The following TAFA2 variants were observed in gnomAD, a reference collection of about 807,000 sequenced individuals.
TAFA2 encodes the protein chemokine-like protein TAFA-2.
A neutral mutation model predicts 18.8 loss-of-function variants in TAFA2; 7 were observed. That is an observed-to-expected ratio of 0.37 (90% CI 0.21 to 0.70). TAFA2 has a LOEUF of 0.70. Ranked by LOEUF, TAFA2 falls within the 30% of genes least tolerant of loss-of-function variation. The pLI is 0.53. For missense variants in TAFA2, 122 were observed against 158.1 expected (o/e 0.77, Z 1.23); for synonymous variants, 60 against 54.2 (o/e 1.11, Z -0.47).
intron 1 of TAFA2, among the ~76,000 whole-genome samples, chr12:62,088,919 T>A (rs1400646886): frequency 6.6e-6 from 1 of 152,030 alleles, no homozygotes; most frequent in South Asian, 2.1e-4. Context: ...TCTGTGTGTG[T>A]GTGTGTGTGC....
At chr12:62,143,820 A>T (rs1203504329) in intron 1 of TAFA2, among the ~76,000 whole-genome samples, 1 of 152,006 alleles carries the variant, frequency 6.6e-6, no homozygotes. Context: ...AGGCAGGTGG[A>T]TGGCTTGAGC....
intron 1 of TAFA2, among the ~76,000 whole-genome samples, chr12:62,203,619 G>T (rs2062680699): frequency 6.6e-6 from 1 of 151,968 alleles, no homozygotes; most frequent in Admixed American, 6.5e-5. Context: ...AATCTTCATT[G>T]GTTTAAAGTC....
At chr12:62,164,494 A>G (rs2062426349) in intron 1 of TAFA2, among the ~76,000 whole-genome samples, 1 of 152,160 alleles carries the variant, frequency 6.6e-6, no homozygotes, top group African/African-American at 2.4e-5. Flanking sequence ...GGGCATTTCC[A>G]TGTTTTAAAT....
At chr12:61,919,044 G>A (rs1348742255) in intron 1 of TAFA2, among the ~76,000 whole-genome samples, 1 of 152,154 alleles carries the variant, frequency 6.6e-6, no homozygotes, top group Non-Finnish European at 1.5e-5. Flanking sequence ...AAAGCATATA[G>A]CATACTGCCA....
At chr12:61,972,024 T>C (rs994805149) in intron 1 of TAFA2, among the ~76,000 whole-genome samples, 2 of 151,678 alleles carry the variant, frequency 1.3e-5, no homozygotes, top group African/African-American at 4.8e-5. Flanking sequence ...TGGGAAGGAA[T>C]TGTCTCTTGA....
At chr12:61,877,056 T>C (rs920695179) in intron 1 of TAFA2, among the ~76,000 whole-genome samples, 4 of 152,218 alleles carry the variant, frequency 2.6e-5, no homozygotes, top group Non-Finnish European at 5.9e-5. Context: ...GATTTTAATA[T>C]AACAAAGTAC....
chr12:61,807,599 A>T (rs1871674829), intron 2 of TAFA2, among the ~76,000 whole-genome samples: 1 of 151,384 alleles, frequency 6.6e-6, no homozygotes, highest in Non-Finnish European at 1.5e-5. Context: ...TGCACTGTGC[A>T]CCTGGAAAAG....
intron 2 of TAFA2, among the ~76,000 whole-genome samples, chr12:61,850,826 TAG>T (rs1773974015): frequency 1.3e-5 from 2 of 152,116 alleles, no homozygotes; most frequent in Admixed American, 1.3e-4. Context: ...AATGAAAATA[TAG>T]AGAGATGACA....
intron 1 of TAFA2, among the ~76,000 whole-genome samples, chr12:62,172,472 T>C (rs977253110): frequency 2.6e-5 from 4 of 152,210 alleles, no homozygotes; most frequent in African/African-American, 7.2e-5. Context: ...TTGAATGATA[T>C]AGTCATCAAT....
At chr12:62,218,901 T>A (rs2062748672) in intron 1 of TAFA2, among the ~76,000 whole-genome samples, 1 of 152,158 alleles carries the variant, frequency 6.6e-6, no homozygotes, top group Admixed American at 6.5e-5. Flanking sequence ...CATAGGAGAT[T>A]CAATAATATC....
chr12:61,861,705 A>G (rs1874135853), intron 2 of TAFA2, among the ~76,000 whole-genome samples: 1 of 152,186 alleles, frequency 6.6e-6, no homozygotes, highest in Non-Finnish European at 1.5e-5. Context: ...ATTTATGGCT[A>G]TGTCTCCCAG....
chr12:61,742,809 A>C (rs944709591), intron 4 of TAFA2, among the ~76,000 whole-genome samples: 3 of 151,976 alleles, frequency 2.0e-5, no homozygotes, highest in African/African-American at 7.2e-5. Context: ...CCTTTCATTT[A>C]CTTTTCATGT....
intron 1 of TAFA2, among the ~76,000 whole-genome samples, chr12:62,038,169 G>A (rs1437017663): frequency 6.6e-6 from 1 of 152,112 alleles, no homozygotes; most frequent in African/African-American, 2.4e-5. Context: ...CAAGTCTTGA[G>A]ATTTGATGTA....
intron 1 of TAFA2, among the ~76,000 whole-genome samples, chr12:62,104,239 C>T (rs1052066372): frequency 2.7e-5 from 4 of 150,910 alleles, no homozygotes; most frequent in Non-Finnish European, 5.9e-5. Context: ...TTCACAATAG[C>T]TTTCACAGTT....
intron 1 of TAFA2, among the ~76,000 whole-genome samples, chr12:62,206,385 C>A (rs1281905893): frequency 6.6e-6 from 1 of 152,226 alleles, no homozygotes; most frequent in Non-Finnish European, 1.5e-5. Context: ...AACATGTCTT[C>A]ATATTCTTTT....
chr12:61,760,075 C>CTTTTTTTTTTT (rs35014156), intron 2 of TAFA2, among the ~76,000 whole-genome samples: 1 of 137,752 alleles, frequency 7.3e-6, no homozygotes, highest in Non-Finnish European at 1.5e-5. Context: ...CTGCCCAGTG[C>CTTTTTTTTTTT]TTTTTTTTTT....
At chr12:61,774,586 T>C (rs1006096122) in intron 2 of TAFA2, among the ~76,000 whole-genome samples, 4 of 151,830 alleles carry the variant, frequency 2.6e-5, no homozygotes, top group Non-Finnish European at 5.9e-5. Flanking sequence ...CCAAATATTG[T>C]ATGTTCTCAC....
chr12:61,972,748 T>C (rs571917374), intron 1 of TAFA2, among the ~76,000 whole-genome samples: 14 of 151,604 alleles, frequency 9.2e-5, no homozygotes, highest in Admixed American at 8.6e-4. Flanking sequence ...CACTAAGTCA[T>C]CTGGGGGAAA....
At chr12:61,970,361 G>A (rs1879206400) in intron 1 of TAFA2, among the ~76,000 whole-genome samples, 1 of 151,238 alleles carries the variant, frequency 6.6e-6, no homozygotes, top group South Asian at 2.1e-4. Context: ...CCAAATATTG[G>A]ACTTGTTAGA....
Sources: allele counts gnomAD v4.1 joint callset (sites outside exome capture counted in the v4.1 genomes callset), GRCh38; gene constraint gnomAD v4.1.1; transcripts MANE v1.5; gene names NCBI Gene and HGNC (gene_info 2026-07-23, HGNC 2026-07-21).